The following NALF1 variants were observed in gnomAD, a reference collection of about 807,000 sequenced individuals.
The protein encoded by NALF1 is NALCN channel auxiliary factor 1, also known as family with sequence similarity 155 member A.
A neutral mutation model predicts 48.4 loss-of-function variants in NALF1; 3 were observed. The observed-to-expected ratio is 0.06, with a 90% CI of 0.03 to 0.16. NALF1 has a LOEUF of 0.16. Ranked by LOEUF, NALF1 falls within the 10% of genes least tolerant of loss-of-function variation. The probability of loss-of-function intolerance (pLI) is 1.00; values close to 1 mark genes in which losing one functional copy is unlikely to be tolerated. For missense variants in NALF1, 526 were observed against 571.5 expected (o/e 0.92, Z 0.81); for synonymous variants, 262 against 245.7 (o/e 1.07, Z -0.62).
chr13:107,261,262 C>T (rs758897131), intron 1 of NALF1, among the ~76,000 whole-genome samples: 2 of 152,158 alleles, frequency 1.3e-5, no homozygotes, highest in Admixed American at 6.5e-5. Flanking sequence ...ATTTTACCTT[C>T]CCTCTGCTCT....
chr13:107,635,578 T>C (rs911721654), intron 1 of NALF1, among the ~76,000 whole-genome samples: 5 of 152,174 alleles, frequency 3.3e-5, no homozygotes, highest in Non-Finnish European at 5.9e-5. Context: ...GTTCTCTGTA[T>C]GCAAGCCACT....
At chr13:107,676,651 G>A (rs1881133592) in intron 1 of NALF1, among the ~76,000 whole-genome samples, 1 of 149,446 alleles carries the variant, frequency 6.7e-6, no homozygotes, top group Admixed American at 6.6e-5. Flanking sequence ...CTTTACCTTA[G>A]AAATGCAATT....
chr13:107,790,105 A>G (rs1207478318), intron 1 of NALF1, among the ~76,000 whole-genome samples: 21 of 152,204 alleles, frequency 1.4e-4, no homozygotes, highest in Non-Finnish European at 2.1e-4. Flanking sequence ...TTAGGAAACT[A>G]GAGTGGTTCA....
chr13:107,788,214 C>A (rs2138584664), intron 1 of NALF1: 1 of 152,230 alleles, frequency 6.6e-6, no homozygotes, highest in Non-Finnish European at 1.5e-5. Context: ...CCTTGTTTTT[C>A]AACTGGATCA....
intron 1 of NALF1, among the ~76,000 whole-genome samples, chr13:107,556,552 C>T (rs1164436689): frequency 1.3e-5 from 2 of 152,004 alleles, no homozygotes; most frequent in African/African-American, 4.8e-5. Context: ...AGTGCAATGG[C>T]GCCATCTCGG....
chr13:107,227,081 C>T (rs143479602), intron 1 of NALF1, among the ~76,000 whole-genome samples: 4 of 152,320 alleles, frequency 2.6e-5, no homozygotes, highest in East Asian at 3.9e-4. Flanking sequence ...CTGAGCAATT[C>T]GGCACACCAT....
In NALF1 at chr13:107,572,737, G is replaced by A. The variant is rs553481818; in HGVS notation, c.915+292945C>T. On this transcript the variant is annotated intron_variant, in intron 1 of 2. Coordinates refer to ENST00000375915, the MANE Select transcript of NALF1 (RefSeq NM_001080396.3). ...AGACAAATGGCACTTTTGAAGTTCC[G>A]AGAACACGCTAATTTATAAAATGGC... 2.8e-4 allele frequency among the ~76,000 whole-genome samples: 42 copies of A among 152,168 alleles called. 1 individual carries two copies. The highest frequency in any genetic ancestry group is 9.9e-4 in the African/African-American group (41 of 41,512).
intron 1 of NALF1, among the ~76,000 whole-genome samples, chr13:107,760,030 C>T (rs1301739926): frequency 6.6e-6 from 1 of 152,160 alleles, no homozygotes; most frequent in Admixed American, 6.5e-5. Flanking sequence ...AATTAGTTTT[C>T]ATTCCAATAT....
intron 2 of NALF1, among the ~76,000 whole-genome samples, chr13:107,186,515 G>A (rs987690648): frequency 3.9e-5 from 6 of 152,028 alleles, no homozygotes; most frequent in Non-Finnish European, 7.4e-5. Flanking sequence ...CTACAGGTGC[G>A]TGCCACCACG....
At chr13:107,372,389 A>G (rs1883262986) in intron 1 of NALF1, among the ~76,000 whole-genome samples, 1 of 152,248 alleles carries the variant, frequency 6.6e-6, no homozygotes, top group Admixed American at 6.5e-5. Flanking sequence ...AGCCATGAAT[A>G]TTGCAGGCAC....
chr13:107,786,291 C>T (rs1462574885), intron 1 of NALF1, among the ~76,000 whole-genome samples: 1 of 151,716 alleles, frequency 6.6e-6, no homozygotes, highest in African/African-American at 2.4e-5. Context: ...TGGTGCATGC[C>T]TGTAATCCCA....
At chr13:107,853,537 G>C (rs1880370735) in intron 1 of NALF1, among the ~76,000 whole-genome samples, 1 of 151,956 alleles carries the variant, frequency 6.6e-6, no homozygotes, top group African/African-American at 2.4e-5. Flanking sequence ...TGAAACAATT[G>C]GGAACACCAA....
At chr13:107,707,418 T>G (rs775420583) in intron 1 of NALF1, among the ~76,000 whole-genome samples, 2 of 152,192 alleles carry the variant, frequency 1.3e-5, no homozygotes, top group African/African-American at 4.8e-5. Flanking sequence ...GAATCCCTTT[T>G]CATGTTGATG....
chr13:107,675,378 G>A (rs950101981), intron 1 of NALF1, among the ~76,000 whole-genome samples: 1 of 152,190 alleles, frequency 6.6e-6, no homozygotes, highest in Non-Finnish European at 1.5e-5. Flanking sequence ...GCTTGTTGAA[G>A]AAATGCGATT....
At chr13:107,599,437 A>AAT (rs1555311573) in intron 1 of NALF1, among the ~76,000 whole-genome samples, 22 of 151,392 alleles carry the variant, frequency 1.5e-4, no homozygotes, top group African/African-American at 3.9e-4. Flanking sequence ...AAAAAAAAAA[A>AAT]AATAACATTA....
chr13:107,621,868 G>A (rs1879525244), intron 1 of NALF1, among the ~76,000 whole-genome samples: 2 of 152,104 alleles, frequency 1.3e-5, no homozygotes, highest in East Asian at 3.9e-4. Context: ...AACTGAGTCG[G>A]GCAGGGCTCT....
intron 1 of NALF1, among the ~76,000 whole-genome samples, chr13:107,733,483 G>T (rs984993754): frequency 6.6e-6 from 1 of 152,154 alleles, no homozygotes; most frequent in Admixed American, 6.5e-5. Flanking sequence ...CCATATGGAA[G>T]ATTTCAACAG....
intron 1 of NALF1, among the ~76,000 whole-genome samples, chr13:107,493,414 T>C (rs1020620382): frequency 4.6e-5 from 7 of 152,122 alleles, no homozygotes; most frequent in Non-Finnish European, 1.0e-4. Flanking sequence ...CTTGGAGTCT[T>C]AGTGGATGAA....
At chr13:107,517,488 C>T (rs145127129) in intron 1 of NALF1, among the ~76,000 whole-genome samples, 2,544 of 151,878 alleles carry the variant, frequency 0.017, 65 homozygotes, top group African/African-American at 0.057. Flanking sequence ...AAAAATTAGC[C>T]GGGCGTGGTG....
Sources: gnomAD v4.1 joint callset for allele counts (sites outside exome capture counted in the v4.1 genomes callset) on GRCh38, gnomAD v4.1.1 for gene constraint, MANE v1.5 for transcripts, NCBI Gene and HGNC (gene_info 2026-07-23, HGNC 2026-07-21) for gene names.